The following PDE11A variants were observed in gnomAD, a reference collection of about 807,000 sequenced individuals.
PDE11A encodes phosphodiesterase 11A, also known as dual 3',5'-cyclic-AMP and -GMP phosphodiesterase 11A.
Under a neutral mutation model 100.5 loss-of-function variants are expected in PDE11A, and 100 were observed. That is an observed-to-expected ratio of 1.00 (90% CI 0.85 to 1.18). PDE11A has a LOEUF of 1.18. Among genes scored for constraint, PDE11A ranks in the 50% most tolerant of loss-of-function variants. The pLI is 0.00. For synonymous variants in PDE11A, 381 were observed against 420.8 expected, an observed-to-expected ratio of 0.91 and a Z score of 1.16; for missense variants, 1,141 against 1,152.6, an observed-to-expected ratio of 0.99 and a Z score of 0.15.
intron 18 of PDE11A, among the ~76,000 whole-genome samples, chr2:177,666,083 T>C (rs1290765323): frequency 6.6e-6 from 1 of 152,176 alleles, no homozygotes; most frequent in African/African-American, 2.4e-5. Flanking sequence ...CTCGCTTTTT[T>C]TCCGCACTCC....
intron 6 of PDE11A, among the ~76,000 whole-genome samples, chr2:177,832,378 G>A (rs1156994645): frequency 6.6e-6 from 1 of 152,172 alleles, no homozygotes; most frequent in Non-Finnish European, 1.5e-5. Context: ...GAACAAGTCA[G>A]ATTGGCTTAG....
At chr2:177,792,509 T>C (rs892790597) in intron 9 of PDE11A, among the ~76,000 whole-genome samples, 1 of 152,198 alleles carries the variant, frequency 6.6e-6, no homozygotes, top group East Asian at 1.9e-4. Flanking sequence ...GAGAGAGAGA[T>C]ACATTGCTTA....
intron 2 of PDE11A, among the ~76,000 whole-genome samples, chr2:178,013,930 G>A (rs947546689): frequency 6.6e-6 from 1 of 152,048 alleles, no homozygotes; most frequent in Non-Finnish European, 1.5e-5. Flanking sequence ...TAAAAATATA[G>A]GAGAAAGTGC....
At chr2:177,690,982 A>G (rs889049632) in intron 15 of PDE11A, among the ~76,000 whole-genome samples, 1 of 152,210 alleles carries the variant, frequency 6.6e-6, no homozygotes, top group African/African-American at 2.4e-5. Flanking sequence ...TTCAGTATCA[A>G]AAAGTTATTT....
At chr2:177,997,774 T>A (rs1359910664) in intron 2 of PDE11A, 1 of 1,342,882 alleles carries the variant, frequency 7.4e-7, no homozygotes, top group Non-Finnish European at 1.1e-6. Flanking sequence ...GGGTTCTTCA[T>A]CACCAGCATT....
At position 178,044,274 on chromosome 2, in the gene PDE11A, A is replaced by T. The variant is rs916986926; in HGVS notation, c.912+27252T>A. 1.2e-4 allele frequency among the ~76,000 whole-genome samples: 16 copies of T among 133,606 alleles called. No individual in the cohort carries two copies. The East Asian group carries it at 3.4e-3, about 29-fold the overall frequency. The allele number at this position is 133,606 out of a possible 152,430, so 87.7% of individuals were successfully genotyped here. A position where few individuals can be genotyped will look rare whatever the true frequency, so the allele number is the denominator to read the frequency against. On this transcript the variant is annotated intron_variant, in intron 1 of 19. Transcript: ENST00000286063. ...ATTTTTTCCAGTAATAGGCCATTTC[A>T]TAAAAATAATGCAATGACCAAAGAA...
chr2:177,726,504 A>G (rs899212536), intron 12 of PDE11A, among the ~76,000 whole-genome samples: 1 of 152,114 alleles, frequency 6.6e-6, no homozygotes, highest in African/African-American at 2.4e-5. Flanking sequence ...CTTAAAATAC[A>G]CAGTAGCAAG....
At chr2:177,971,034 A>G (rs895113626) in intron 2 of PDE11A, among the ~76,000 whole-genome samples, 8 of 152,346 alleles carry the variant, frequency 5.3e-5, no homozygotes, top group African/African-American at 1.9e-4. Flanking sequence ...GGGGATATAC[A>G]TTCACACTTG....
intron 19 of PDE11A, among the ~76,000 whole-genome samples, chr2:177,659,266 G>GGAA (rs2080439260): frequency 6.7e-5 from 1 of 14,888 alleles, no homozygotes; most frequent in Non-Finnish European, 2.5e-4. Context: ...TATCTCAGGG[G>GGAA]GAAAAAAAAA....
chr2:177,903,322 C>G (rs1289328159), intron 3 of PDE11A, among the ~76,000 whole-genome samples: 5 of 152,202 alleles, frequency 3.3e-5, no homozygotes, highest in Non-Finnish European at 5.9e-5. Flanking sequence ...TAAACATCCT[C>G]CCAACTCAGC....
In PDE11A at chr2:177,629,447, G is replaced by A; in HGVS notation, c.2762C>T (p.Ser921Phe). The A allele has an allele frequency of 3.1e-6, 5 of 1,613,942 alleles. No individual in the cohort carries two copies. The highest frequency in any genetic ancestry group is 4.2e-6 in the Non-Finnish European group (5 of 1,179,932). The change falls in exon 20 of 20, where the codon TCC becomes TTC. Residue 921 changes from serine (S) to phenylalanine (F), a missense_variant. Transcript: ENST00000286063. ...KRLLASTASS[S>F]PASVMVAKED... ...CTTGGCTACCATAACACTGGCAGGG[G>A]AGGATGAGGCAGTTGAGGCCAGCAG... is the stretch of plus-strand genomic sequence containing the variant.
chr2:177,789,701 C>T (rs192877004), intron 9 of PDE11A, among the ~76,000 whole-genome samples: 3 of 152,240 alleles, frequency 2.0e-5, no homozygotes, highest in Admixed American at 1.3e-4. Flanking sequence ...TCTCAGGATA[C>T]AAAATCAATG....
At chr2:177,751,966 A>T in intron 10 of PDE11A, among the ~76,000 whole-genome samples, 1 of 152,290 alleles carries the variant, frequency 6.6e-6, no homozygotes, top group East Asian at 1.9e-4. Context: ...TGTTGCCTAC[A>T]GTGGGACGTG....
chr2:177,825,244 C>G (rs1356722004), intron 6 of PDE11A, among the ~76,000 whole-genome samples: 1 of 152,098 alleles, frequency 6.6e-6, no homozygotes, highest in South Asian at 2.1e-4. Context: ...CTATTCAGAG[C>G]TGGAGTCTTG....
chr2:177,641,439 A>AAAG, intron 19 of PDE11A, among the ~76,000 whole-genome samples: 2 of 151,906 alleles, frequency 1.3e-5, no homozygotes, highest in East Asian at 3.9e-4. Flanking sequence ...AAAAAAAAAA[A>AAAG]AAGCTAGACT....
At chr2:177,678,550 G>C (rs1284420980) in intron 16 of PDE11A, among the ~76,000 whole-genome samples, 1 of 152,104 alleles carries the variant, frequency 6.6e-6, no homozygotes, top group Non-Finnish European at 1.5e-5. Context: ...GCACATGGTG[G>C]TAATAAAAAG....
chr2:178,057,655 G>T (rs1341071179), intron 1 of PDE11A, among the ~76,000 whole-genome samples: 9 of 152,082 alleles, frequency 5.9e-5, no homozygotes, highest in Admixed American at 5.9e-4. Context: ...TTTCTCTCCT[G>T]CTCCATCCTT....
chr2:178,009,282 A>G (rs2086248065), intron 2 of PDE11A, among the ~76,000 whole-genome samples: 1 of 152,220 alleles, frequency 6.6e-6, no homozygotes, highest in African/African-American at 2.4e-5. Flanking sequence ...GCTAGTTTAT[A>G]CATATTGCTG....
chr2:177,840,661 C>T (rs2083477326), intron 5 of PDE11A, among the ~76,000 whole-genome samples: 1 of 152,266 alleles, frequency 6.6e-6, no homozygotes, highest in Admixed American at 6.5e-5. Context: ...CTGGCAAACA[C>T]ATGTAAGGAC....
Sources: gnomAD v4.1 joint callset for allele counts (sites outside exome capture counted in the v4.1 genomes callset) on GRCh38, gnomAD v4.1.1 for gene constraint, MANE v1.5 for transcripts, NCBI Gene and HGNC (gene_info 2026-07-23, HGNC 2026-07-21) for gene names.